KITLG: variants seen among roughly 807,000 people sequenced by gnomAD.
KITLG encodes the protein KIT ligand, also known as c-Kit ligand.
Under a neutral mutation model 34.1 loss-of-function variants are expected in KITLG, and 13 were observed. That is an observed-to-expected ratio of 0.38 (90% CI 0.25 to 0.61). KITLG has a LOEUF of 0.61. Ranked by LOEUF, KITLG falls within the 20% of genes least tolerant of loss-of-function variation. KITLG has a pLI of 0.60. For missense variants in KITLG, 292 were observed against 318.9 expected, an observed-to-expected ratio of 0.92 and a Z score of 0.64; for synonymous variants, 110 against 104.0, an observed-to-expected ratio of 1.06 and a Z score of -0.35.
At chr12:88,575,651 C>G (rs571341015) in intron 1 of KITLG, among the ~76,000 whole-genome samples, 2 of 152,074 alleles carry the variant, frequency 1.3e-5, no homozygotes, top group Non-Finnish European at 2.9e-5. Flanking sequence ...TTGGTGTTCC[C>G]TCAACTTGTT....
intron 6 of KITLG, among the ~76,000 whole-genome samples, chr12:88,508,290 T>G (rs1566019141): frequency 6.6e-6 from 1 of 152,164 alleles, no homozygotes; most frequent in Admixed American, 6.6e-5. Flanking sequence ...GATTTTTCTA[T>G]ATACCTATAC....
intron 1 of KITLG, chr12:88,546,110 G>C (rs1200346564): frequency 3.5e-6 from 2 of 573,584 alleles, no homozygotes; most frequent in Non-Finnish European, 3.2e-6. Context: ...ACTTTCTTCA[G>C]CCAATTTCCC....
intron 2 of KITLG, among the ~76,000 whole-genome samples, chr12:88,539,836 G>A (rs2120898281): frequency 6.6e-6 from 1 of 151,986 alleles, no homozygotes; most frequent in South Asian, 2.1e-4. Flanking sequence ...GAGGCAGGAG[G>A]ATCACTTGAG....
chr12:88,517,326 A>T (rs890509719), intron 4 of KITLG, among the ~76,000 whole-genome samples: 2 of 152,066 alleles, frequency 1.3e-5, no homozygotes, highest in Non-Finnish European at 2.9e-5. Flanking sequence ...GCTATGTTGT[A>T]GGGATACATA....
intron 1 of KITLG, among the ~76,000 whole-genome samples, chr12:88,549,359 G>A (rs372542673): frequency 6.6e-6 from 1 of 152,212 alleles, no homozygotes; most frequent in Non-Finnish European, 1.5e-5. Context: ...ACTTTAGGGT[G>A]ACAACAGGTA....
chr12:88,549,877 G>A (rs952586497), intron 1 of KITLG, among the ~76,000 whole-genome samples: 1 of 152,126 alleles, frequency 6.6e-6, no homozygotes, highest in East Asian at 1.9e-4. Context: ...ACCCACAAAA[G>A]AGTCCAAGAG....
chr12:88,545,690 A>T, intron 2 of KITLG, 62 bp downstream of exon 2: 1 of 934,324 alleles, frequency 1.1e-6, no homozygotes. Flanking sequence ...TTTTATCAAC[A>T]AGCACAGGAA....
At chr12:88,562,960 G>A (rs528499970) in intron 1 of KITLG, among the ~76,000 whole-genome samples, 8 of 152,254 alleles carry the variant, frequency 5.3e-5, no homozygotes, top group Non-Finnish European at 7.4e-5. Context: ...TTAAAAAAGC[G>A]AAAACACTGA....
intron 9 of KITLG, among the ~76,000 whole-genome samples, chr12:88,503,086 T>C (rs1005849685): frequency 3.9e-5 from 6 of 152,122 alleles, no homozygotes; most frequent in Non-Finnish European, 7.4e-5. Context: ...GAAGTGGCAA[T>C]GGGCAGCAGA....
At chr12:88,530,537 G>A (rs1870046970) in intron 3 of KITLG, among the ~76,000 whole-genome samples, 1 of 152,124 alleles carries the variant, frequency 6.6e-6, no homozygotes, top group South Asian at 2.1e-4. Context: ...TTGAACTAAA[G>A]ATCATTGCCT....
At chr12:88,513,357 G>T (rs1409688456) in intron 6 of KITLG, among the ~76,000 whole-genome samples, 1 of 151,344 alleles carries the variant, frequency 6.6e-6, no homozygotes, top group Non-Finnish European at 1.5e-5. Flanking sequence ...TAGAAATAAG[G>T]AACAGAAGGT....
chr12:88,565,869 G>C (rs1487074400), intron 1 of KITLG, among the ~76,000 whole-genome samples: 1 of 152,118 alleles, frequency 6.6e-6, no homozygotes, highest in Non-Finnish European at 1.5e-5. Flanking sequence ...AACACATTTA[G>C]CTCAGGACCT....
At chr12:88,551,701 T>G (rs1041993647) in intron 1 of KITLG, among the ~76,000 whole-genome samples, 12 of 152,112 alleles carry the variant, frequency 7.9e-5, no homozygotes, top group Admixed American at 6.5e-4. Flanking sequence ...CTCTTGATGA[T>G]GAACACAACA....
intron 6 of KITLG, among the ~76,000 whole-genome samples, chr12:88,511,504 G>A (rs1056483589): frequency 9.2e-5 from 14 of 152,086 alleles, no homozygotes; most frequent in African/African-American, 3.4e-4. Flanking sequence ...CAGGGCTGCC[G>A]ATGCAGCTGG....
At chr12:88,503,911 C>G (rs1868954857) in intron 9 of KITLG, among the ~76,000 whole-genome samples, 1 of 152,108 alleles carries the variant, frequency 6.6e-6, no homozygotes, top group African/African-American at 2.4e-5. Context: ...CTGAAAATGG[C>G]AGGGAAACAT....
At position 88,532,295 on chromosome 12, in the gene KITLG, C is replaced by T. The variant is rs4842477; in HGVS notation, c.192+146G>A. On this transcript the variant is annotated intron_variant, in intron 3 of 9. Coordinates refer to ENST00000644744, the MANE Select transcript of KITLG (RefSeq NM_000899.5). ...GTTGCTTAAGAGGGGGAAAAAAAAG[C>T]CTGCAAGTCAAATTCCAAAGATAAA... The T allele has an allele frequency of 0.088, 58,142 of 657,634 alleles. 2,847 individuals are homozygous for T. Among genetic ancestry groups the T allele is most frequent in the Non-Finnish European group, 0.1 (39,565 of 380,298 alleles). 40.7% of individuals were successfully genotyped at this position (657,634 alleles called of 1,614,324 possible).
chr12:88,506,216 G>A (rs1869052635), intron 8 of KITLG, 95 bp downstream of exon 8: 7 of 854,544 alleles, frequency 8.2e-6, no homozygotes, highest in Admixed American at 6.8e-5. Flanking sequence ...ACTGTCATGA[G>A]TGAAGGACTT....
At chr12:88,526,500 T>C (rs1869871896) in intron 3 of KITLG, among the ~76,000 whole-genome samples, 1 of 152,188 alleles carries the variant, frequency 6.6e-6, no homozygotes, top group African/African-American at 2.4e-5. Context: ...TCAGCAAATA[T>C]TCATTAAATG....
chr12:88,558,578 T>G (rs551323632), intron 1 of KITLG, among the ~76,000 whole-genome samples: 1 of 152,234 alleles, frequency 6.6e-6, no homozygotes. Context: ...TGGAATAAAC[T>G]GTTAAAATGT....
Sources: gnomAD v4.1 joint callset for allele counts (sites outside exome capture counted in the v4.1 genomes callset) on GRCh38, gnomAD v4.1.1 for gene constraint, MANE v1.5 for transcripts, NCBI Gene and HGNC (gene_info 2026-07-23, HGNC 2026-07-21) for gene names.